The following DNAJB14 variants were observed in gnomAD, a reference collection of about 807,000 sequenced individuals.
DNAJB14 encodes dnaJ homolog subfamily B member 14.
Under a neutral mutation model 48.4 loss-of-function variants are expected in DNAJB14, and 22 were observed. That is an observed-to-expected ratio of 0.45 (90% confidence interval 0.32 to 0.65). The LOEUF is 0.65. Among genes scored for constraint, DNAJB14 ranks in the 30% least tolerant of loss-of-function variants. The pLI, the probability that DNAJB14 is intolerant of heterozygous loss-of-function variation, is 0.03. For missense variants in DNAJB14, 319 were observed against 458.8 expected, an observed-to-expected ratio of 0.70 and a Z score of 2.78; for synonymous variants, 142 against 158.7, an observed-to-expected ratio of 0.89 and a Z score of 0.79.
chr4:99,901,164 G>A lies in DNAJB14; in HGVS notation c.1016-12C>T. ...CTGCATATCTGTTTCTGTTAATAAA[G>A]AAAAATATTTTGCTAATTGAATAAA... On this transcript the variant is annotated splice_polypyrimidine_tract_variant and intron_variant, in intron 7 of 7. Transcript: ENST00000442697. 1 of 1,571,326 alleles carries A rather than the reference G, an allele frequency of 6.4e-7. No individual in the cohort carries two copies. Among genetic ancestry groups the A allele is most frequent in the Non-Finnish European group, 8.6e-7 (1 of 1,163,798 alleles).
At position 99,897,083 on chromosome 4, in the gene DNAJB14, TTCAAA is replaced by T; in HGVS notation, c.*3940_*3944del. ...ACCAATGAAATTGTGTTGACTGATTTTCAAAGTCAGACATAAAAATATCCACTGCT... is the reference window on the plus strand; with the variant it reads ...ACCAATGAAATTGTGTTGACTGATTTGTCAGACATAAAAATATCCACTGCT... On this transcript the variant is annotated 3_prime_UTR_variant, in exon 8 of 8. Coordinates refer to ENST00000442697, the MANE Select transcript of DNAJB14 (RefSeq NM_001031723.4). 6.6e-6 allele frequency: 1 copy of T among 151,888 alleles called. No individual in the cohort carries two copies. The highest frequency in any genetic ancestry group is 1.5e-5 in the Non-Finnish European group (1 of 67,908). The allele number at this position is 151,888 out of a possible 1,614,324, so 9.4% of individuals were successfully genotyped here.
chr4:99,935,461 A>G (rs575643747), intron 1 of DNAJB14, among the ~76,000 whole-genome samples: 1 of 152,374 alleles, frequency 6.6e-6, no homozygotes. Context: ...GGAATCCACT[A>G]TAAAACAGGC....
In DNAJB14 at chr4:99,905,701, A is replaced by T; in HGVS notation, c.738T>A (p.Gly246=). The T allele has an allele frequency of 6.2e-7, 1 of 1,611,238 alleles. No homozygotes were observed. ...HEREEERGDG[G]FSVFIQLMPI... is the part of the protein sequence containing the mutation. Reference sequence around the variant, plus strand: ...GCATCAGCTGGATAAACACAGAAAAACCTCCCTATAAAAAATGATCAAAGA... The same window carrying T: ...GCATCAGCTGGATAAACACAGAAAATCCTCCCTATAAAAAATGATCAAAGA... Residue 246 remains glycine (G), a synonymous_variant, in exon 6 of 8, where the codon GGT becomes GGA. Transcript: ENST00000442697.
chr4:99,922,749 T>C (rs1726106183), intron 3 of DNAJB14: 1 of 226,808 alleles, frequency 4.4e-6, no homozygotes, highest in Admixed American at 5.5e-5. Flanking sequence ...TAGAAGCTCA[T>C]GCATAATCAT....
At chr4:99,935,120 A>C (rs1486153984) in intron 1 of DNAJB14, among the ~76,000 whole-genome samples, 2 of 152,166 alleles carry the variant, frequency 1.3e-5, no homozygotes, top group Non-Finnish European at 2.9e-5. Flanking sequence ...CTTTTCTGAC[A>C]TAAAAACAAA....
In DNAJB14 at chr4:99,903,735, T is replaced by C. The variant is rs1357240748; in HGVS notation, c.1006A>G (p.Arg336Gly). 6.2e-7 allele frequency: 1 copy of C among 1,607,626 alleles called. No individual in the cohort carries two copies. Among genetic ancestry groups the C allele is most frequent in the East Asian group, 2.2e-5 (1 of 44,736 alleles). The change falls in exon 7 of 8, where the codon AGA becomes GGA. Residue 336 changes from arginine (R) to glycine (G), a missense_variant. Transcript: ENST00000442697. ...TNIRNNCWKERQQKTDMQYAA... is the reference protein window; with the variant it reads ...TNIRNNCWKEGQQKTDMQYAA... The stretch of plus-strand genomic sequence containing the variant: ...CACATGACAAACTTACTTTGTTGTC[T>C]TTCTTTCCAGCAGTTATTTCGAATA...
chr4:99,943,193 A>G (rs774228387), intron 1 of DNAJB14, among the ~76,000 whole-genome samples: 9 of 152,204 alleles, frequency 5.9e-5, no homozygotes, highest in South Asian at 2.1e-4. Context: ...AGAGGAGTTA[A>G]GTAATTTGTC....
In DNAJB14 at chr4:99,901,137, T is replaced by C; in HGVS notation, c.1031A>G (p.Tyr344Cys). 1 of 1,604,862 alleles carries C rather than the reference T, an allele frequency of 6.2e-7. No homozygotes were observed. Among genetic ancestry groups the C allele is most frequent in the East Asian group, 2.2e-5 (1 of 44,668 alleles). The stretch of plus-strand genomic sequence containing the variant: ...ATCATCACGGTATACTTTTGCTGCA[T>C]ACTGCATATCTGTTTCTGTTAATAA... ...KERQQKTDMQ[Y>C]AAKVYRDDRL... Residue 344 changes from tyrosine to cysteine, a missense_variant, in exon 8 of 8, where the codon TAT (tyrosine) becomes TGT (cysteine). Tyr to Cys is a radical substitution (Grantham distance 194). Coordinates refer to ENST00000442697, the MANE Select transcript of DNAJB14 (RefSeq NM_001031723.4).
intron 1 of DNAJB14, among the ~76,000 whole-genome samples, chr4:99,931,170 T>C (rs759547065): frequency 2.0e-5 from 3 of 152,158 alleles, no homozygotes; most frequent in Non-Finnish European, 4.4e-5. Context: ...ATATATACAT[T>C]TCAGGCAAAA....
intron 1 of DNAJB14, among the ~76,000 whole-genome samples, chr4:99,940,906 G>A (rs113911910): frequency 3.3e-5 from 5 of 150,892 alleles, no homozygotes; most frequent in Non-Finnish European, 7.4e-5. Context: ...ACATTTATAC[G>A]CTTTCCAAAT....
At chr4:99,938,658 A>C (rs1344612260) in intron 1 of DNAJB14, among the ~76,000 whole-genome samples, 1 of 152,140 alleles carries the variant, frequency 6.6e-6, no homozygotes, top group Non-Finnish European at 1.5e-5. Flanking sequence ...ACAAATACAA[A>C]GTAAATGAAA....
intron 3 of DNAJB14, among the ~76,000 whole-genome samples, chr4:99,909,312 C>G (rs773568548): frequency 3.3e-5 from 5 of 151,916 alleles, no homozygotes; most frequent in Non-Finnish European, 5.9e-5. Flanking sequence ...AAATGAGGGC[C>G]CTGAAATTCA....
chr4:99,908,016 G>A (rs971074295), intron 4 of DNAJB14, among the ~76,000 whole-genome samples: 2 of 151,994 alleles, frequency 1.3e-5, no homozygotes, highest in South Asian at 2.1e-4. Context: ...ATTAGCCTGC[G>A]GTAAAATTAG....
chr4:99,903,972 A>G, intron 6 of DNAJB14, 74 bp from the exon 7 acceptor site: 1 of 1,427,446 alleles, frequency 7.0e-7, no homozygotes, highest in Non-Finnish European at 9.6e-7. Flanking sequence ...AAGCAAACAA[A>G]AACAATTAAA....
chr4:99,930,590 G>A lies in DNAJB14; in HGVS notation c.165C>T (p.Ser55=), dbSNP rs1166781217. ...ALLEIIMKNG[S]TAGNSPHCRK... Reference sequence around the variant, plus strand: ...GGCAATGAGGGCTATTTCCAGCCGTGCTTCCATTTTTCATAATTATTTCCA... The same window carrying A: ...GGCAATGAGGGCTATTTCCAGCCGTACTTCCATTTTTCATAATTATTTCCA... The change falls in exon 2 of 8, where the codon AGC becomes AGT. Residue 55 remains serine, a synonymous_variant. Transcript: ENST00000442697. 1 of 1,610,704 alleles carries A rather than the reference G, an allele frequency of 6.2e-7. No homozygotes were observed. Among genetic ancestry groups the A allele is most frequent in the Non-Finnish European group, 8.5e-7 (1 of 1,178,324 alleles).
At chr4:99,932,902 C>T (rs1228734882) in intron 1 of DNAJB14, among the ~76,000 whole-genome samples, 2 of 152,008 alleles carry the variant, frequency 1.3e-5, no homozygotes, top group South Asian at 2.1e-4. Context: ...TATACGGTTC[C>T]GTTTATATGA....
In DNAJB14 at chr4:99,903,877, T is replaced by C; in HGVS notation, c.864A>G (p.Lys288=). The change falls in exon 7 of 8, where the codon AAA becomes AAG. Residue 288 remains lysine (K), a synonymous_variant. Transcript: ENST00000442697. The stretch of plus-strand genomic sequence containing the variant: ...CAACACCCAAGTTTTCTGTTTGCAT[T>C]TTAATAGTTTGCCCAGTTCCACTGT... The part of the protein sequence containing the change: ...YPRSGTGQTI[K]MQTENLGVVY... The C allele has an allele frequency of 6.2e-7, 1 of 1,612,392 alleles. No individual in the cohort carries two copies. Among genetic ancestry groups the C allele is most frequent in the Non-Finnish European group, 8.5e-7 (1 of 1,179,216 alleles).
At chr4:99,939,367 A>C (rs545490583) in intron 1 of DNAJB14, among the ~76,000 whole-genome samples, 3 of 152,200 alleles carry the variant, frequency 2.0e-5, no homozygotes, top group Non-Finnish European at 2.9e-5. Flanking sequence ...ATCTCAAAAA[A>C]TTTTTTTAAA....
chr4:99,939,539 T>TAA (rs77741927), intron 1 of DNAJB14, among the ~76,000 whole-genome samples: 9,842 of 152,276 alleles, frequency 0.065, 462 homozygotes, highest in East Asian at 0.24. Flanking sequence ...TGGATATTGC[T>TAA]AAAGCAGAAT....
Sources: allele counts gnomAD v4.1 joint callset (sites outside exome capture counted in the v4.1 genomes callset), GRCh38; gene constraint gnomAD v4.1.1; transcripts MANE v1.5; gene names NCBI Gene and HGNC (gene_info 2026-07-23, HGNC 2026-07-21).